RALYL: variants seen among roughly 807,000 people sequenced by gnomAD.
RALYL encodes RNA-binding Raly-like protein.
RALYL carries 29 observed loss-of-function variants against 35.1 expected under a neutral mutation model. The ratio of observed to expected loss-of-function variants is 0.83; its 90% CI spans 0.61 to 1.13. RALYL has a LOEUF of 1.13. Among genes scored for constraint, RALYL ranks in the 50% most tolerant of loss-of-function variants. The pLI is 0.00. For missense variants in RALYL, 359 were observed against 360.4 expected, an observed-to-expected ratio of 1.00 and a Z score of 0.03; for synonymous variants, 120 against 127.6, an observed-to-expected ratio of 0.94 and a Z score of 0.40.
At chr8:84,375,746 T>C (rs1856785976) in intron 1 of RALYL, among the ~76,000 whole-genome samples, 1 of 151,870 alleles carries the variant, frequency 6.6e-6, no homozygotes, top group Non-Finnish European at 1.5e-5. Context: ...CCAAAGTAGA[T>C]ATAAATACTT....
intron 2 of RALYL, among the ~76,000 whole-genome samples, chr8:84,566,871 GCTGT>G (rs2061819444): frequency 6.6e-6 from 1 of 151,564 alleles, no homozygotes; most frequent in South Asian, 2.1e-4. Flanking sequence ...ACAGAATTAT[GCTGT>G]CTATGATTAT....
intron 5 of RALYL, among the ~76,000 whole-genome samples, chr8:84,856,976 C>T (rs1484902591): frequency 7.4e-6 from 1 of 134,734 alleles, no homozygotes; most frequent in Non-Finnish European, 1.5e-5. Context: ...TGCAGTGAGC[C>T]GAGATTGCGC....
At chr8:84,449,713 T>C (rs2133157391) in intron 1 of RALYL, among the ~76,000 whole-genome samples, 1 of 152,146 alleles carries the variant, frequency 6.6e-6, no homozygotes, top group South Asian at 2.1e-4. Context: ...AATTAAATTT[T>C]TATATTTTAC....
At chr8:84,629,797 G>A (rs1823537401) in intron 2 of RALYL, among the ~76,000 whole-genome samples, 1 of 151,938 alleles carries the variant, frequency 6.6e-6, no homozygotes, top group African/African-American at 2.4e-5. Flanking sequence ...TTCCCCTTTT[G>A]TGTGTTTTCT....
intron 2 of RALYL, among the ~76,000 whole-genome samples, chr8:84,724,910 G>T (rs1226485342): frequency 6.6e-6 from 1 of 151,516 alleles, no homozygotes; most frequent in African/African-American, 2.4e-5. Context: ...TCAATGCTAT[G>T]TTCATCATGG....
intron 1 of RALYL, among the ~76,000 whole-genome samples, chr8:84,414,973 C>CG (rs1254814886): frequency 6.6e-6 from 1 of 151,966 alleles, no homozygotes; most frequent in East Asian, 1.9e-4. Flanking sequence ...AATCCAAGTT[C>CG]GGGGTGGGTC....
intron 1 of RALYL, among the ~76,000 whole-genome samples, chr8:84,266,011 T>C (rs1464062067): frequency 1.3e-5 from 2 of 152,242 alleles, no homozygotes; most frequent in African/African-American, 2.4e-5. Flanking sequence ...TTTGAACTTG[T>C]TGCTTCCCAA....
intron 1 of RALYL, among the ~76,000 whole-genome samples, chr8:84,466,928 G>A (rs1306471188): frequency 1.6e-4 from 24 of 151,824 alleles, no homozygotes; most frequent in East Asian, 7.8e-4. Flanking sequence ...GTTTATTTGC[G>A]TAGAGGTGTT....
Position 84,831,783 on chromosome 8 carries a change from A to G in RALYL, c.366-18197A>G, listed in dbSNP as rs567182664. ...TTGACAGTAATCAGTGGGGAAAAAA[A>G]TAGAAACCATAACAATAAGTCATGT... On this transcript the variant is annotated intron_variant, in intron 4 of 8. Transcript: ENST00000521268. Among the ~76,000 whole-genome samples the G allele has an allele frequency of 1.3e-5, 2 of 152,264 alleles. 1 individual carries two copies. The highest frequency in any genetic ancestry group is 4.1e-4 in the South Asian group (2 of 4,826).
At chr8:84,272,313 C>G (rs941125984) in intron 1 of RALYL, among the ~76,000 whole-genome samples, 1 of 151,938 alleles carries the variant, frequency 6.6e-6, no homozygotes, top group Non-Finnish European at 1.5e-5. Context: ...AGGCTGGTCT[C>G]GAACTCCTGA....
At chr8:84,247,480 T>C (rs1355308905) in intron 1 of RALYL, among the ~76,000 whole-genome samples, 1 of 152,028 alleles carries the variant, frequency 6.6e-6, no homozygotes, top group Non-Finnish European at 1.5e-5. Context: ...TTAGGTTTTC[T>C]TGAAGTTTAT....
At chr8:84,290,086 T>C (rs1164196280) in intron 1 of RALYL, among the ~76,000 whole-genome samples, 1 of 152,144 alleles carries the variant, frequency 6.6e-6, no homozygotes, top group African/African-American at 2.4e-5. Flanking sequence ...TCACTGCTTG[T>C]TGGAGAAAGG....
At chr8:84,429,295 G>A (rs1021555038) in intron 1 of RALYL, among the ~76,000 whole-genome samples, 2 of 152,142 alleles carry the variant, frequency 1.3e-5, no homozygotes, top group Non-Finnish European at 2.9e-5. Context: ...GGCTGTTTGA[G>A]TACTTACAAA....
intron 4 of RALYL, among the ~76,000 whole-genome samples, chr8:84,840,324 A>G (rs191975892): frequency 3.9e-5 from 6 of 152,332 alleles, no homozygotes; most frequent in African/African-American, 1.2e-4. Flanking sequence ...TGATGAATGG[A>G]CAAGCCTCAG....
chr8:84,287,775 C>T (rs1837945526), intron 1 of RALYL, among the ~76,000 whole-genome samples: 1 of 152,044 alleles, frequency 6.6e-6, no homozygotes, highest in Non-Finnish European at 1.5e-5. Context: ...AAGATCCAAT[C>T]GTTTCAGGAA....
intron 4 of RALYL, among the ~76,000 whole-genome samples, chr8:84,847,497 C>T (rs1450001655): frequency 1.3e-5 from 2 of 152,064 alleles, no homozygotes; most frequent in Admixed American, 6.5e-5. Flanking sequence ...CTTGGTGAGA[C>T]AGGCACTTTC....
intron 2 of RALYL, among the ~76,000 whole-genome samples, chr8:84,644,756 C>A (rs1463012321): frequency 5.6e-5 from 8 of 144,050 alleles, no homozygotes; most frequent in South Asian, 2.2e-4. Context: ...TTTTCTTCTT[C>A]TTATTATTTT....
intron 3 of RALYL, among the ~76,000 whole-genome samples, chr8:84,774,976 GTC>G (rs372577425): frequency 6.6e-6 from 1 of 152,066 alleles, no homozygotes; most frequent in East Asian, 1.9e-4. Flanking sequence ...TTGAGATGGA[GTC>G]TCTCTCTGTT....
At chr8:84,485,488 T>C (rs1369023350) in intron 1 of RALYL, among the ~76,000 whole-genome samples, 1 of 152,030 alleles carries the variant, frequency 6.6e-6, no homozygotes, top group Non-Finnish European at 1.5e-5. Flanking sequence ...GCTGAGACAG[T>C]AGCATCTCTT....
Sources: allele counts gnomAD v4.1 joint callset (sites outside exome capture counted in the v4.1 genomes callset), GRCh38; gene constraint gnomAD v4.1.1; transcripts MANE v1.5; gene names NCBI Gene and HGNC (gene_info 2026-07-23, HGNC 2026-07-21).